The following CNTN4 variants were observed in gnomAD, a reference collection of about 807,000 sequenced individuals.
CNTN4 encodes contactin 4.
CNTN4 carries 77 observed loss-of-function variants against 122.5 expected under a neutral mutation model. That is an observed-to-expected ratio of 0.63 (90% confidence interval 0.52 to 0.76). The LOEUF (loss-of-function observed/expected upper bound fraction) is 0.76, where lower values mean the gene tolerates loss of function less well. Ranked by LOEUF, CNTN4 falls within the 30% of genes least tolerant of loss-of-function variation. The pLI is 0.00. For synonymous variants in CNTN4, 512 were observed against 447.0 expected, an observed-to-expected ratio of 1.15 and a Z score of -1.83; for missense variants, 1,256 against 1,259.1, an observed-to-expected ratio of 1.00 and a Z score of 0.04.
At position 2,335,711 on chromosome 3, in the gene CNTN4, C is replaced by A. The variant is rs1281793384; in HGVS notation, c.-144-3467C>A. Among the ~76,000 whole-genome samples, 5 of 151,676 alleles carry A rather than the reference C, an allele frequency of 3.3e-5. No homozygotes were observed. The South Asian group carries it at 1.0e-3, about 32-fold the overall frequency. On this transcript the variant is annotated intron_variant, in intron 2 of 24. Coordinates refer to ENST00000418658, the MANE Select transcript of CNTN4 (RefSeq NM_175607.3). ...TAACTATGTCTACTTTTTCCCCTAACAAGAATACAGCAACTGAACATTTTC... is the reference window on the plus strand; with the variant it reads ...TAACTATGTCTACTTTTTCCCCTAAAAAGAATACAGCAACTGAACATTTTC...
At chr3:2,546,375 C>A (rs1160721353) in intron 3 of CNTN4, among the ~76,000 whole-genome samples, 1 of 150,938 alleles carries the variant, frequency 6.6e-6, no homozygotes, top group Non-Finnish European at 1.5e-5. Context: ...ATGGATGGAG[C>A]TGGAGGCCAT....
intron 3 of CNTN4, among the ~76,000 whole-genome samples, chr3:2,498,802 T>A (rs1296914052): frequency 7.2e-5 from 11 of 152,012 alleles, no homozygotes; most frequent in Non-Finnish European, 1.5e-4. Context: ...TGGTGCTTTT[T>A]TTTTTGAGAT....
intron 8 of CNTN4, among the ~76,000 whole-genome samples, chr3:2,878,662 C>T (rs2093874022): frequency 6.6e-6 from 1 of 151,732 alleles, no homozygotes; most frequent in Admixed American, 6.6e-5. Flanking sequence ...AAGAGGTACC[C>T]TGAAGTTTAT....
chr3:3,024,021 T>G (rs1698509831), intron 14 of CNTN4, among the ~76,000 whole-genome samples: 1 of 152,190 alleles, frequency 6.6e-6, no homozygotes, highest in South Asian at 2.1e-4. Flanking sequence ...ATAATCCATG[T>G]AAAGTGCTTA....
chr3:2,883,314 A>G (rs2150984840), intron 9 of CNTN4, 67 bp downstream of exon 9: 1 of 1,155,456 alleles, frequency 8.7e-7, no homozygotes, highest in South Asian at 1.3e-5. Context: ...TTTTTCTTGC[A>G]CTGTTCACAG....
At chr3:2,307,623 C>A (rs947603255) in intron 2 of CNTN4, among the ~76,000 whole-genome samples, 1 of 150,750 alleles carries the variant, frequency 6.6e-6, no homozygotes, top group African/African-American at 2.5e-5. Flanking sequence ...GTTTTTTTAT[C>A]ATGGAAGAGT....
At chr3:2,188,585 T>A (rs73098027) in intron 2 of CNTN4, among the ~76,000 whole-genome samples, 3 of 152,128 alleles carry the variant, frequency 2.0e-5, no homozygotes, top group African/African-American at 7.2e-5. Context: ...GGTGAGAAAC[T>A]GTACCCATTT....
At chr3:2,390,215 AGTGTGTGT>A (rs142190283) in intron 3 of CNTN4, among the ~76,000 whole-genome samples, 22 of 144,770 alleles carry the variant, frequency 1.5e-4, no homozygotes, top group African/African-American at 3.3e-4. Context: ...AGGAAAAAAG[AGTGTGTGT>A]GTGTGTGTGT....
intron 13 of CNTN4, among the ~76,000 whole-genome samples, chr3:2,933,790 T>C (rs1018895471): frequency 2.0e-5 from 3 of 152,178 alleles, no homozygotes; most frequent in African/African-American, 7.2e-5. Context: ...ATCTGAGTTC[T>C]GGAATAGAGA....
rs78971903 is a variant in CNTN4, at chr3:2,177,030, T to G, written c.-145+76391T>G. On this transcript the variant is annotated intron_variant, in intron 2 of 24. Transcript: ENST00000418658. ...AAAATCACTCAAGAGTCAGTGAGAA[T>G]TTTTTTTAGTAAAGGTCATTTGATG... 2.0e-5 allele frequency among the ~76,000 whole-genome samples: 3 copies of G among 150,398 alleles called. No homozygotes were observed. In the East Asian group the frequency reaches 5.8e-4, roughly 29 times the overall value.
chr3:2,341,487 C>G (rs972148307), intron 3 of CNTN4, among the ~76,000 whole-genome samples: 9 of 152,200 alleles, frequency 5.9e-5, no homozygotes, highest in Non-Finnish European at 1.5e-5. Context: ...GACATCTTCC[C>G]TATTCTAATT....
At chr3:2,681,632 C>T (rs928315069) in intron 4 of CNTN4, among the ~76,000 whole-genome samples, 6 of 152,030 alleles carry the variant, frequency 3.9e-5, no homozygotes, top group South Asian at 2.1e-4. Context: ...GCACCCCTTA[C>T]GTATGTATAC....
intron 13 of CNTN4, among the ~76,000 whole-genome samples, chr3:2,949,668 G>C (rs1459116811): frequency 6.6e-6 from 1 of 152,166 alleles, no homozygotes; most frequent in Non-Finnish European, 1.5e-5. Context: ...TAGACCCCCA[G>C]AGCTACTACT....
chr3:2,740,273 T>A (rs1031184255), intron 5 of CNTN4, among the ~76,000 whole-genome samples: 2 of 152,226 alleles, frequency 1.3e-5, no homozygotes, highest in East Asian at 3.9e-4. Context: ...GGTGGGAAGA[T>A]CGCTTGAGTC....
chr3:2,994,613 A>ATG (rs1553719119), intron 14 of CNTN4, among the ~76,000 whole-genome samples: 43 of 142,164 alleles, frequency 3.0e-4, no homozygotes, highest in Middle Eastern at 3.5e-3. Flanking sequence ...ATATATATAT[A>ATG]TGTGTGTATA....
chr3:2,642,592 G>A (rs1313193514), intron 4 of CNTN4, among the ~76,000 whole-genome samples: 1 of 152,112 alleles, frequency 6.6e-6, no homozygotes, highest in Non-Finnish European at 1.5e-5. Flanking sequence ...ATACAGGTAT[G>A]TGTATACAGA....
intron 4 of CNTN4, among the ~76,000 whole-genome samples, chr3:2,601,722 G>A (rs1008451091): frequency 2.0e-5 from 3 of 152,116 alleles, no homozygotes; most frequent in African/African-American, 7.2e-5. Context: ...CTTTAAAGTA[G>A]TTTTTTCCAA....
At chr3:2,989,335 G>T (rs905471619) in intron 14 of CNTN4, among the ~76,000 whole-genome samples, 3 of 151,926 alleles carry the variant, frequency 2.0e-5, no homozygotes, top group African/African-American at 7.3e-5. Context: ...AGTTCTTCTT[G>T]GTCCTTTATG....
At position 2,282,504 on chromosome 3, in the gene CNTN4, CT is replaced by C. The variant is rs559695683; in HGVS notation, c.-144-56666del. Among the ~76,000 whole-genome samples the C allele has an allele frequency of 8.1e-3, 1,232 of 152,038 alleles. 18 individuals are homozygous for C. The highest frequency in any genetic ancestry group is 0.028 in the African/African-American group (1,168 of 41,500). ...TTTAGTATATGGCCTCATTCTTCCA[CT>C]TTTTTTTCTGTTTTGATGAATAGTT... On this transcript the variant is annotated intron_variant, in intron 2 of 24. Coordinates refer to ENST00000418658, the MANE Select transcript of CNTN4 (RefSeq NM_175607.3).
Sources: gnomAD v4.1 joint callset for allele counts (sites outside exome capture counted in the v4.1 genomes callset) on GRCh38, gnomAD v4.1.1 for gene constraint, MANE v1.5 for transcripts, NCBI Gene and HGNC (gene_info 2026-07-23, HGNC 2026-07-21) for gene names.